Variants in CSMD3 observed in about 807,000 individuals in gnomAD.
CSMD3 encodes CUB and sushi domain-containing protein 3.
A neutral mutation model predicts 435.2 loss-of-function variants in CSMD3; 177 were observed. The observed-to-expected ratio is 0.41, with a 90% CI of 0.36 to 0.46. The LOEUF (loss-of-function observed/expected upper bound fraction) is 0.46. CSMD3 is among the 20% of genes least tolerant of loss of function. The pLI is 0.34. For synonymous variants in CSMD3, 1,656 were observed against 1,520.5 expected (o/e 1.09, Z -2.07); for missense variants, 4,265 against 4,504.6 (o/e 0.95, Z 1.52).
intron 1 of CSMD3, among the ~76,000 whole-genome samples, chr8:113,379,144 A>C (rs1218896323): frequency 6.6e-6 from 1 of 152,172 alleles, no homozygotes; most frequent in Non-Finnish European, 1.5e-5. Context: ...TACAGTAGGA[A>C]TATTTTAGTG....
At chr8:112,338,467 G>C (rs978833605) in intron 42 of CSMD3, among the ~76,000 whole-genome samples, 3 of 152,004 alleles carry the variant, frequency 2.0e-5, no homozygotes, top group African/African-American at 7.2e-5. Flanking sequence ...TATGAACAGG[G>C]CCTATTCTCA....
intron 22 of CSMD3, among the ~76,000 whole-genome samples, chr8:112,594,662 G>T (rs1831520851): frequency 6.6e-6 from 1 of 152,194 alleles, no homozygotes; most frequent in South Asian, 2.1e-4. Context: ...CGCAGCTGGA[G>T]ATCTGAGAAC....
At chr8:112,552,785 A>C in intron 25 of CSMD3, 65 bp from the exon 26 acceptor site, 1 of 1,456,030 alleles carries the variant, frequency 6.9e-7, no homozygotes, top group Non-Finnish European at 9.5e-7. Flanking sequence ...CAATCTACAA[A>C]TTTCTCATGA....
chr8:112,735,417 T>C (rs1008599045), intron 13 of CSMD3, among the ~76,000 whole-genome samples: 1 of 151,986 alleles, frequency 6.6e-6, no homozygotes, highest in African/African-American at 2.4e-5. Flanking sequence ...ATAAAAAATA[T>C]TTTAGATCAG....
rs369897141 is a variant in CSMD3, at chr8:112,430,133, C to T, written c.5396-21101G>A. On this transcript the variant is annotated intron_variant, in intron 32 of 70. Coordinates refer to ENST00000297405, the MANE Select transcript of CSMD3 (RefSeq NM_198123.2). ...CCTGTTTTTGAATCAAATACTTGTA[C>T]GAGGAACATCAGGTAGGAAGCGTCT... Among the ~76,000 whole-genome samples the T allele has an allele frequency of 4.1e-4, 63 of 152,026 alleles. 1 individual carries two copies. The highest frequency in any genetic ancestry group is 1.2e-3 in the South Asian group (6 of 4,828).
intron 25 of CSMD3, 109 bp downstream of exon 25, chr8:112,556,654 C>T (rs769761235): frequency 1.5e-5 from 12 of 792,110 alleles, no homozygotes; most frequent in African/African-American, 5.2e-5. Context: ...ATTAATTTCT[C>T]GATATAAAGT....
intron 35 of CSMD3, among the ~76,000 whole-genome samples, chr8:112,395,584 C>G (rs1027166755): frequency 6.6e-6 from 1 of 152,086 alleles, no homozygotes; most frequent in African/African-American, 2.4e-5. Context: ...ACCAGATAAG[C>G]ATGATCAGAT....
chr8:112,716,475 T>C (rs935498328), intron 13 of CSMD3, among the ~76,000 whole-genome samples: 2 of 152,116 alleles, frequency 1.3e-5, no homozygotes, highest in Non-Finnish European at 2.9e-5. Flanking sequence ...GAAGAATCAA[T>C]AGTGTGAAAA....
chr8:112,897,727 T>C (rs2081992357), intron 10 of CSMD3, among the ~76,000 whole-genome samples: 1 of 138,958 alleles, frequency 7.2e-6, no homozygotes, highest in South Asian at 2.3e-4. Flanking sequence ...TGTGTGTGTG[T>C]GTGTAGGGGA....
intron 22 of CSMD3, among the ~76,000 whole-genome samples, chr8:112,632,986 C>T (rs1194014949): frequency 1.3e-5 from 2 of 151,786 alleles, no homozygotes; most frequent in South Asian, 4.1e-4. Context: ...TAAAGTTTTT[C>T]CCAAAATGTG....
At chr8:113,350,817 C>T (rs986738895) in intron 1 of CSMD3, among the ~76,000 whole-genome samples, 1 of 152,122 alleles carries the variant, frequency 6.6e-6, no homozygotes, top group East Asian at 1.9e-4. Context: ...TGTGATTTGA[C>T]TTCTGATTTG....
At chr8:112,832,187 C>T (rs1263863890) in intron 11 of CSMD3, among the ~76,000 whole-genome samples, 1 of 152,058 alleles carries the variant, frequency 6.6e-6, no homozygotes, top group East Asian at 1.9e-4. Flanking sequence ...TTTACAGAAA[C>T]TGCAAAGTAG....
chr8:112,394,875 A>G (rs1436984219), intron 35 of CSMD3, among the ~76,000 whole-genome samples: 1 of 152,228 alleles, frequency 6.6e-6, no homozygotes, highest in Non-Finnish European at 1.5e-5. Context: ...AGTGCTTAGA[A>G]TAGTGTTGGC....
intron 6 of CSMD3, among the ~76,000 whole-genome samples, chr8:113,002,664 G>T (rs980770298): frequency 2.6e-5 from 4 of 152,004 alleles, no homozygotes; most frequent in Non-Finnish European, 5.9e-5. Flanking sequence ...TTGTCTCAAG[G>T]GCTGAAGTAA....
At chr8:112,287,288 A>G in intron 57 of CSMD3, 42 bp from the exon 58 acceptor site, 12 of 1,598,322 alleles carry the variant, frequency 7.5e-6, no homozygotes, top group Non-Finnish European at 1.0e-5. Context: ...TCCCATAAAC[A>G]TTTATTAAGT....
chr8:113,149,118 A>C (rs568662112), intron 4 of CSMD3, among the ~76,000 whole-genome samples: 1 of 151,942 alleles, frequency 6.6e-6, no homozygotes, highest in East Asian at 2.0e-4. Flanking sequence ...ATTGAATGAC[A>C]AAATTTAGGA....
chr8:112,427,318 T>C (rs1813166488), intron 32 of CSMD3, among the ~76,000 whole-genome samples: 1 of 152,148 alleles, frequency 6.6e-6, no homozygotes, highest in African/African-American at 2.4e-5. Context: ...CCATGTGTCA[T>C]GGGAGGGACC....
At chr8:113,108,161 G>A (rs1390477751) in intron 4 of CSMD3, among the ~76,000 whole-genome samples, 1 of 152,110 alleles carries the variant, frequency 6.6e-6, no homozygotes, top group Non-Finnish European at 1.5e-5. Context: ...TGGGGATGGT[G>A]GCTCACACCT....
At chr8:113,236,930 G>A (rs2093157515) in intron 3 of CSMD3, among the ~76,000 whole-genome samples, 1 of 152,054 alleles carries the variant, frequency 6.6e-6, no homozygotes, top group African/African-American at 2.4e-5. Flanking sequence ...ACCAATAAGA[G>A]AACCCAGTGT....
Sources: gnomAD v4.1 joint callset for allele counts (sites outside exome capture counted in the v4.1 genomes callset) on GRCh38, gnomAD v4.1.1 for gene constraint, MANE v1.5 for transcripts, NCBI Gene and HGNC (gene_info 2026-07-23, HGNC 2026-07-21) for gene names.